Variants in NPFFR2 observed in about 807,000 individuals in gnomAD.
The protein encoded by NPFFR2 is neuropeptide FF receptor 2, also known as G-protein coupled receptor 74.
In NPFFR2, 15 loss-of-function variants were observed where a neutral mutation model predicts 13.1. That is an observed-to-expected ratio of 1.15 (90% CI 0.77 to 1.76). The LOEUF (loss-of-function observed/expected upper bound fraction) is 1.76. Ranked by LOEUF, NPFFR2 falls within the 40% of genes most tolerant of loss-of-function variation. The probability of loss-of-function intolerance (pLI) is 0.00; values close to 1 mark genes in which losing one functional copy is unlikely to be tolerated. For synonymous variants in NPFFR2, 190 were observed against 175.7 expected (o/e 1.08, Z -0.65); for missense variants, 572 against 503.5 (o/e 1.14, Z -1.30).
chr4:72,099,752 A>C (rs75559671), intron 1 of NPFFR2, among the ~76,000 whole-genome samples: 4,119 of 152,190 alleles, frequency 0.027, 186 homozygotes, highest in African/African-American at 0.094. Flanking sequence ...GGAACATCCA[A>C]AGCATATCAA....
At chr4:72,038,524 T>A (rs1578415151) in intron 1 of NPFFR2, among the ~76,000 whole-genome samples, 1 of 65,478 alleles carries the variant, frequency 1.5e-5, no homozygotes, top group African/African-American at 5.2e-5. Flanking sequence ...ATCATTCCTG[T>A]TTTTTAATTC....
In NPFFR2 at chr4:72,101,340, CT is replaced by C. The variant is rs1229958471; in HGVS notation, c.-7-27244del. 7.9e-5 allele frequency among the ~76,000 whole-genome samples: 12 copies of C among 151,906 alleles called. 1 individual carries two copies. The highest frequency in any genetic ancestry group is 1.6e-4 in the Non-Finnish European group (11 of 67,922). On this transcript the variant is annotated intron_variant, in intron 1 of 3. Transcript: ENST00000308744. ...AACATATCGATATTGAATATCAACT[CT>C]GTAAAAACGATCAGAATAGACTAGA...
intron 3 of NPFFR2, among the ~76,000 whole-genome samples, chr4:72,146,084 C>G (rs1722773290): frequency 6.6e-6 from 1 of 152,120 alleles, no homozygotes; most frequent in African/African-American, 2.4e-5. Flanking sequence ...ATTTTTACAG[C>G]TGTAAAGCAA....
chr4:72,111,646 C>T (rs961519066), intron 1 of NPFFR2, among the ~76,000 whole-genome samples: 21 of 151,966 alleles, frequency 1.4e-4, no homozygotes, highest in Non-Finnish European at 4.4e-5. Context: ...TCTAGGACAA[C>T]ATAGGAAATT....
At chr4:72,096,963 G>T (rs2109806549) in intron 1 of NPFFR2, among the ~76,000 whole-genome samples, 1 of 151,908 alleles carries the variant, frequency 6.6e-6, no homozygotes, top group Admixed American at 6.6e-5. Context: ...AGTTTAAGTT[G>T]TTCTATAGAC....
At chr4:72,058,066 A>G (rs1719805042) in intron 1 of NPFFR2, among the ~76,000 whole-genome samples, 1 of 151,948 alleles carries the variant, frequency 6.6e-6, no homozygotes, top group African/African-American at 2.4e-5. Context: ...TTCAGCTCTA[A>G]AAGACATTGC....
intron 2 of NPFFR2, among the ~76,000 whole-genome samples, chr4:72,130,112 C>A (rs28582601): frequency 0.043 from 6,495 of 151,358 alleles, 392 homozygotes; most frequent in African/African-American, 0.14. Flanking sequence ...TTCTTAGTAC[C>A]TAACAAAATG....
intron 1 of NPFFR2, among the ~76,000 whole-genome samples, chr4:72,075,399 A>G (rs192193923): frequency 6.6e-6 from 1 of 152,268 alleles, no homozygotes; most frequent in East Asian, 1.9e-4. Flanking sequence ...CTTGACTAAT[A>G]CATTTAATAA....
chr4:72,089,913 G>C (rs1474165814), intron 1 of NPFFR2, among the ~76,000 whole-genome samples: 1 of 151,886 alleles, frequency 6.6e-6, no homozygotes, highest in Non-Finnish European at 1.5e-5. Context: ...GGTCTAGAAG[G>C]GTTTTTTTCT....
At chr4:72,053,700 C>A (rs553050953) in intron 1 of NPFFR2, among the ~76,000 whole-genome samples, 27 of 151,774 alleles carry the variant, frequency 1.8e-4, no homozygotes, top group Non-Finnish European at 3.2e-4. Context: ...TCAGGATTTT[C>A]TATGTACACA....
chr4:72,137,969 C>A (rs1214194024), intron 2 of NPFFR2, 71 bp from the exon 3 acceptor site: 2 of 1,210,714 alleles, frequency 1.7e-6, no homozygotes, highest in South Asian at 1.3e-5. Context: ...GTTTCCACAA[C>A]TTTCTATTTT....
chr4:72,062,522 T>TAAAA (rs5859300), intron 1 of NPFFR2, among the ~76,000 whole-genome samples: 7 of 148,796 alleles, frequency 4.7e-5, no homozygotes, highest in African/African-American at 1.7e-4. Flanking sequence ...TAATAGATTG[T>TAAAA]AAAAAAAAAA....
In NPFFR2 at chr4:72,127,355, C is replaced by CTTTTTTTTTTTTTT. The variant is rs1341571145; in HGVS notation, c.-7-1226_-7-1225insTTTTTTTTTTTTTT. ...AAGTCATACAGATTCTAAATAATTT[C>CTTTTTTTTTTTTTT]TTTTCTTTTTTTTTTTTTTTTTTTT... On this transcript the variant is annotated intron_variant, in intron 1 of 3. Transcript: ENST00000308744. Among the ~76,000 whole-genome samples, 474 of 91,170 alleles carry CTTTTTTTTTTTTTT rather than the reference C, an allele frequency of 5.2e-3. 40 individuals are homozygous for CTTTTTTTTTTTTTT. Among genetic ancestry groups the CTTTTTTTTTTTTTT allele is most frequent in the African/African-American group, 0.019 (410 of 21,676 alleles). The allele number at this position is 91,170 out of a possible 152,430, so 59.8% of individuals were successfully genotyped here.
intron 1 of NPFFR2, among the ~76,000 whole-genome samples, chr4:72,047,058 A>T (rs1424044687): frequency 6.6e-6 from 1 of 152,184 alleles, no homozygotes; most frequent in Admixed American, 6.5e-5. Flanking sequence ...AGGCTGCTGC[A>T]TGGCTGCTTT....
chr4:72,128,631 C>T lies in NPFFR2; in HGVS notation c.40C>T (p.His14Tyr), dbSNP rs146896505. ...KWDTNSSENW[H>Y]PIWNVNDTKH... ...GGACACAAACTCTTCAGAAAACTGG[C>T]ATCCCATCTGGAATGTCAATGACAC... is the stretch of plus-strand genomic sequence containing the variant. Residue 14 changes from histidine to tyrosine, a missense_variant, in exon 2 of 4, where the codon CAT becomes TAT. By Grantham distance (83) the His-to-Tyr change is moderately conservative. Transcript: ENST00000308744. 2.9e-5 allele frequency: 46 copies of T among 1,611,574 alleles called. No individual in the cohort carries two copies. Among genetic ancestry groups the T allele is most frequent in the Non-Finnish European group, 3.7e-5 (44 of 1,178,112 alleles).
At chr4:72,074,893 GACTTTA>G (rs1349109761) in intron 1 of NPFFR2, among the ~76,000 whole-genome samples, 4 of 35,412 alleles carry the variant, frequency 1.1e-4, no homozygotes, top group East Asian at 5.3e-4. Flanking sequence ...AGACAACATA[GACTTTA>G]ACTTTAAAAG....
chr4:72,101,529 TAATAA>T (rs1479643763), intron 1 of NPFFR2, among the ~76,000 whole-genome samples: 4 of 151,666 alleles, frequency 2.6e-5, no homozygotes, highest in Admixed American at 2.6e-4. Context: ...CAATGACTAA[TAATAA>T]AATAGGGGTC....
At chr4:72,138,240 A>C in intron 3 of NPFFR2, 101 bp downstream of exon 3, 1 of 729,190 alleles carries the variant, frequency 1.4e-6, no homozygotes, top group East Asian at 2.7e-5. Flanking sequence ...ATCTTTTCAA[A>C]TTGTATTCAC....
At chr4:72,044,940 T>C (rs187747040) in intron 1 of NPFFR2, among the ~76,000 whole-genome samples, 4 of 152,238 alleles carry the variant, frequency 2.6e-5, no homozygotes, top group African/African-American at 9.6e-5. Flanking sequence ...GTTGCCTGTG[T>C]TGAGGTCTTA....
Sources: gnomAD v4.1 joint callset for allele counts (sites outside exome capture counted in the v4.1 genomes callset) on GRCh38, gnomAD v4.1.1 for gene constraint, MANE v1.5 for transcripts, NCBI Gene and HGNC (gene_info 2026-07-23, HGNC 2026-07-21) for gene names.